The following AGO3 variants were observed in gnomAD, a reference collection of about 807,000 sequenced individuals.
AGO3 encodes argonaute RISC catalytic component 3, also known as protein argonaute-3.
AGO3 carries 16 observed loss-of-function variants against 105.5 expected under a neutral mutation model. The observed-to-expected ratio is 0.15, with a 90% confidence interval of 0.10 to 0.23. The LOEUF is 0.23. Ranked by LOEUF, AGO3 falls within the 10% of genes least tolerant of loss-of-function variation. The probability of loss-of-function intolerance (pLI) is 1.00; values close to 1 mark genes in which losing one functional copy is unlikely to be tolerated. For missense variants in AGO3, 534 were observed against 1,088.0 expected, an observed-to-expected ratio of 0.49 and a Z score of 7.16; for synonymous variants, 340 against 367.3, an observed-to-expected ratio of 0.93 and a Z score of 0.85.
chr1:35,969,745 GT>G (rs1284457934), intron 3 of AGO3, among the ~76,000 whole-genome samples: 1 of 152,098 alleles, frequency 6.6e-6, no homozygotes, highest in Non-Finnish European at 1.5e-5. Flanking sequence ...AACCTGAATG[GT>G]ATAGCTTACT....
intron 2 of AGO3, among the ~76,000 whole-genome samples, chr1:35,955,591 T>C (rs1418910873): frequency 1.5e-5 from 2 of 136,512 alleles, no homozygotes; most frequent in East Asian, 4.5e-4. Context: ...CACTGTTAAC[T>C]TTTTTTTTTT....
chr1:36,046,308 A>G (rs1287879373), intron 17 of AGO3, among the ~76,000 whole-genome samples: 1 of 152,176 alleles, frequency 6.6e-6, no homozygotes, highest in East Asian at 1.9e-4. Flanking sequence ...TGTTAAGGCT[A>G]TGCTATCACC....
At chr1:35,973,329 T>C in intron 4 of AGO3, 46 bp from the exon 5 acceptor site, 1 of 1,399,010 alleles carries the variant, frequency 7.1e-7, no homozygotes, top group South Asian at 1.9e-5. Context: ...ATTTAAATAC[T>C]TGCATGAGAA....
In AGO3 at chr1:36,014,033, G is replaced by A; in HGVS notation, c.1391G>A (p.Arg464Lys). 1.2e-6 allele frequency: 2 copies of A among 1,614,194 alleles called. No homozygotes were observed. Among genetic ancestry groups the A allele is most frequent in the Middle Eastern group, 1.6e-4 (1 of 6,062 alleles). ...TGTTTTGCCACACAGAGGCAGTGCA[G>A]AGAAGAAATATTGAAGTAAGACATG... ...IACFATQRQC[R>K]EEILKGFTDQ... The change falls in exon 11 of 19, where the codon AGA becomes AAA. Residue 464 changes from arginine to lysine, a missense_variant. This residue lies in a region of AGO3 where 373 missense variants were observed against 854.0 expected (regional missense o/e 0.44). Coordinates refer to ENST00000373191, the MANE Select transcript of AGO3 (RefSeq NM_024852.4).
At chr1:35,960,117 C>G (rs1646647202) in intron 2 of AGO3, among the ~76,000 whole-genome samples, 1 of 151,926 alleles carries the variant, frequency 6.6e-6, no homozygotes, top group South Asian at 2.1e-4. Context: ...GGTAGTTTCC[C>G]AATTCCAAGT....
chr1:36,058,572 T>C lies in AGO3; in HGVS notation c.*2827T>C, dbSNP rs1642986851. On this transcript the variant is annotated 3_prime_UTR_variant, in exon 19 of 19. Transcript: ENST00000373191. ...AGATCTTTAGTTTCTCTCTTACCTG[T>C]AATCCACTATTATTGCCAATTCACT... 1 of 152,220 alleles carries C rather than the reference T, an allele frequency of 6.6e-6. No individual in the cohort carries two copies. Among genetic ancestry groups the C allele is most frequent in the Admixed American group, 6.5e-5 (1 of 15,276 alleles). 9.4% of individuals were successfully genotyped at this position (152,220 alleles called of 1,614,324 possible).
intron 1 of AGO3, among the ~76,000 whole-genome samples, chr1:35,935,612 C>T (rs1646134185): frequency 6.6e-6 from 1 of 152,164 alleles, no homozygotes; most frequent in South Asian, 2.1e-4. Flanking sequence ...GCAAAGAGGC[C>T]TGGGGCCCTG....
intron 5 of AGO3, among the ~76,000 whole-genome samples, chr1:35,991,475 T>G (rs1319124009): frequency 1.3e-5 from 2 of 150,872 alleles, no homozygotes; most frequent in Admixed American, 1.3e-4. Flanking sequence ...TCTATAATCT[T>G]ATTTCTTTTT....
chr1:36,057,989 T>A lies in AGO3; in HGVS notation c.*2244T>A, dbSNP rs541784003. On this transcript the variant is annotated 3_prime_UTR_variant, in exon 19 of 19. Transcript: ENST00000373191. ...AACTCCGTCTCAAAAGAAAAAAAAA[T>A]CATAATGAAAATGAAGTGAAATTGC... 2.0e-5 allele frequency: 3 copies of A among 152,114 alleles called. No homozygotes were observed. The highest frequency in any genetic ancestry group is 7.2e-5 in the African/African-American group (3 of 41,508). 9.4% of individuals were successfully genotyped at this position (152,114 alleles called of 1,614,324 possible).
At chr1:35,954,385 T>C (rs562613092) in intron 2 of AGO3, among the ~76,000 whole-genome samples, 1 of 152,314 alleles carries the variant, frequency 6.6e-6, no homozygotes, top group South Asian at 2.1e-4. Context: ...ACATAAGGTA[T>C]TATTACCAAC....
At chr1:36,016,627 C>A (rs1640918098) in intron 11 of AGO3, among the ~76,000 whole-genome samples, 2 of 151,808 alleles carry the variant, frequency 1.3e-5, no homozygotes, top group Admixed American at 6.6e-5. Context: ...GCATTGATGT[C>A]AGTCACCATC....
chr1:36,069,911 G>T lies in AGO3; in HGVS notation c.*14166G>T, dbSNP rs1370836518. 6.6e-6 allele frequency: 1 copy of T among 152,144 alleles called. No homozygotes were observed. Among genetic ancestry groups the T allele is most frequent in the African/African-American group, 2.4e-5 (1 of 41,416 alleles). The allele number at this position is 152,144 out of a possible 1,614,324, so 9.4% of individuals were successfully genotyped here. On this transcript the variant is annotated 3_prime_UTR_variant, in exon 19 of 19. Coordinates refer to ENST00000373191, the MANE Select transcript of AGO3 (RefSeq NM_024852.4). ...GTCTCTACTAAAGATACAAAAATTA[G>T]CTGGGCACGATGGAGGGTGCCTGTA...
intron 5 of AGO3, among the ~76,000 whole-genome samples, chr1:35,975,164 C>A (rs1646933272): frequency 1.3e-5 from 2 of 152,118 alleles, no homozygotes; most frequent in Non-Finnish European, 2.9e-5. Flanking sequence ...TAATTTGTAT[C>A]ATTGTTGCCA....
At chr1:35,936,746 A>G (rs1471961243) in intron 1 of AGO3, among the ~76,000 whole-genome samples, 1 of 152,184 alleles carries the variant, frequency 6.6e-6, no homozygotes, top group Non-Finnish European at 1.5e-5. Flanking sequence ...TTAAAAAAAT[A>G]TTTTTTGTAG....
rs549823916 is a variant in AGO3 at position 35,940,227 on chromosome 1, C to T, written c.20-5465C>T. Among the ~76,000 whole-genome samples the T allele has an allele frequency of 6.3e-4, 96 of 152,170 alleles. 1 individual carries two copies. Among genetic ancestry groups the T allele is most frequent in the South Asian group, 2.1e-4 (1 of 4,830 alleles). On this transcript the variant is annotated intron_variant, in intron 1 of 18. Coordinates refer to ENST00000373191, the MANE Select transcript of AGO3 (RefSeq NM_024852.4). ...GATTACAGGCATGCGCCATGACGCC[C>T]GGCTAATTTTTGTATTTTTAGTAGA...
chr1:35,932,082 A>T (rs1646060754), intron 1 of AGO3, among the ~76,000 whole-genome samples: 1 of 152,192 alleles, frequency 6.6e-6, no homozygotes, highest in Admixed American at 6.5e-5. Flanking sequence ...TTCCTTAGAG[A>T]AGTAGTTGTC....
intron 11 of AGO3, among the ~76,000 whole-genome samples, chr1:36,014,345 A>ATGGG (rs1183330908): frequency 6.6e-6 from 1 of 151,750 alleles, no homozygotes; most frequent in Non-Finnish European, 1.5e-5. Context: ...TTTAGTAGAG[A>ATGGG]TGGGGTTTCA....
At chr1:35,994,338 A>G (rs1426798483) in intron 5 of AGO3, among the ~76,000 whole-genome samples, 2 of 152,148 alleles carry the variant, frequency 1.3e-5, no homozygotes, top group Non-Finnish European at 2.9e-5. Flanking sequence ...CACATTTTAA[A>G]CATTCTCATG....
intron 5 of AGO3, among the ~76,000 whole-genome samples, chr1:35,977,237 T>G (rs1463749529): frequency 1.3e-5 from 2 of 148,652 alleles, no homozygotes; most frequent in Non-Finnish European, 3.0e-5. Flanking sequence ...ACATCTAGTA[T>G]GTACCCATAA....
Sources: allele counts gnomAD v4.1 joint callset (sites outside exome capture counted in the v4.1 genomes callset), GRCh38; gene constraint gnomAD v4.1.1; regional missense constraint gnomAD v4.1.1; transcripts MANE v1.5; gene names NCBI Gene and HGNC (gene_info 2026-07-23, HGNC 2026-07-21).